The following SUV39H2 variants were observed in gnomAD, a reference collection of about 807,000 sequenced individuals.
The protein encoded by SUV39H2 is SUV39H2 histone lysine methyltransferase, also known as histone-lysine N-methyltransferase SUV39H2.
Under a neutral mutation model 47.5 loss-of-function variants are expected in SUV39H2, and 10 were observed. The ratio of observed to expected loss-of-function variants is 0.21; its 90% CI spans 0.13 to 0.36. The LOEUF (loss-of-function observed/expected upper bound fraction) is 0.36. Among genes scored for constraint, SUV39H2 ranks in the 10% least tolerant of loss-of-function variants. SUV39H2 has a pLI of 1.00. For synonymous variants in SUV39H2, 159 were observed against 166.8 expected, an observed-to-expected ratio of 0.95 and a Z score of 0.36; for missense variants, 266 against 487.4, an observed-to-expected ratio of 0.55 and a Z score of 4.28.
intron 2 of SUV39H2, among the ~76,000 whole-genome samples, chr10:14,889,651 A>G (rs1269714074): frequency 6.6e-6 from 1 of 152,232 alleles, no homozygotes; most frequent in African/African-American, 2.4e-5. Context: ...ATTAGTAACA[A>G]AGGTCATACA....
At chr10:14,889,664 A>G (rs1319426433) in intron 2 of SUV39H2, among the ~76,000 whole-genome samples, 2 of 152,172 alleles carry the variant, frequency 1.3e-5, no homozygotes, top group African/African-American at 2.4e-5. Flanking sequence ...GTCATACATC[A>G]CTGAAAATAA....
chr10:14,878,960 G>A (rs1033248832), intron 1 of SUV39H2, 41 bp downstream of exon 1: 1 of 1,422,300 alleles, frequency 7.0e-7, no homozygotes, highest in Non-Finnish European at 9.2e-7. Flanking sequence ...CCTGTTCCCA[G>A]GCAAGCTCCC....
chr10:14,886,687 G>A (rs1044339197), intron 2 of SUV39H2, among the ~76,000 whole-genome samples: 2 of 152,096 alleles, frequency 1.3e-5, no homozygotes, highest in Non-Finnish European at 2.9e-5. Context: ...AGTTTCTTCT[G>A]TGTGCCAGAC....
chr10:14,895,387 G>T (rs1334474915), intron 2 of SUV39H2, among the ~76,000 whole-genome samples: 1 of 152,060 alleles, frequency 6.6e-6, no homozygotes, highest in African/African-American at 2.4e-5. Context: ...TATTGGCCAG[G>T]CTGGTCTTGA....
chr10:14,883,799 A>C (rs952520109), intron 2 of SUV39H2, among the ~76,000 whole-genome samples: 16 of 151,980 alleles, frequency 1.1e-4, no homozygotes, highest in African/African-American at 3.9e-4. Flanking sequence ...CCAAAAAGAA[A>C]CAGTAAACCC....
intron 2 of SUV39H2, among the ~76,000 whole-genome samples, chr10:14,893,559 C>T (rs1442326064): frequency 1.3e-5 from 2 of 152,080 alleles, no homozygotes; most frequent in African/African-American, 4.8e-5. Context: ...CTTTATTTGG[C>T]ATTTTAGCTT....
At chr10:14,889,462 G>A (rs1833318305) in intron 2 of SUV39H2, among the ~76,000 whole-genome samples, 1 of 152,158 alleles carries the variant, frequency 6.6e-6, no homozygotes, top group Non-Finnish European at 1.5e-5. Flanking sequence ...TTTTAAAAAT[G>A]GAGCCTGTTT....
chr10:14,901,313 C>A, intron 5 of SUV39H2, 51 bp downstream of exon 5: 1 of 1,607,164 alleles, frequency 6.2e-7, no homozygotes, highest in South Asian at 1.1e-5. Context: ...TATGAAGAAT[C>A]AAATCAGACT....
intron 2 of SUV39H2, among the ~76,000 whole-genome samples, chr10:14,892,748 A>C (rs1005959680): frequency 1.6e-4 from 24 of 152,076 alleles, no homozygotes; most frequent in African/African-American, 5.8e-4. Flanking sequence ...AAACGTTCAT[A>C]TACTTATTAT....
At chr10:14,898,272 G>A (rs1244101908) in intron 3 of SUV39H2, 1 of 119,278 alleles carries the variant, frequency 8.4e-6, no homozygotes, top group East Asian at 2.7e-4. Flanking sequence ...GAGAAATTGA[G>A]TACCTTGCCC....
intron 2 of SUV39H2, among the ~76,000 whole-genome samples, chr10:14,891,153 T>A (rs1254616003): frequency 3.3e-5 from 5 of 152,214 alleles, no homozygotes; most frequent in Non-Finnish European, 2.9e-5. Flanking sequence ...GAGGTGATAT[T>A]TACACCGTTT....
intron 1 of SUV39H2, chr10:14,879,883 CTTTTTTT>C (rs1832992305): frequency 7.0e-6 from 1 of 143,184 alleles, no homozygotes; most frequent in Admixed American, 6.9e-5. Flanking sequence ...GATTGTCTTT[CTTTTTTT>C]AACCACGTGT....
chr10:14,899,290 AGCC>A, intron 3 of SUV39H2: 1 of 702,226 alleles, frequency 1.4e-6, no homozygotes. Context: ...ACCGCATTCT[AGCC>A]TGAGTGACAG....
At chr10:14,891,323 G>A (rs1358345821) in intron 2 of SUV39H2, among the ~76,000 whole-genome samples, 1 of 152,218 alleles carries the variant, frequency 6.6e-6, no homozygotes, top group African/African-American at 2.4e-5. Flanking sequence ...GATGGAGCCA[G>A]AGAGGCATCA....
chr10:14,892,950 G>C (rs1286348562), intron 2 of SUV39H2, among the ~76,000 whole-genome samples: 2 of 149,686 alleles, frequency 1.3e-5, no homozygotes, highest in East Asian at 3.9e-4. Flanking sequence ...CTCCCAAGTA[G>C]CTGGGATTAC....
At position 14,880,692 on chromosome 10, in the gene SUV39H2, A is replaced by G. The variant is rs561503783; in HGVS notation, c.32-808A>G. Among the ~76,000 whole-genome samples, 141 of 152,282 alleles carry G rather than the reference A, an allele frequency of 9.3e-4. 4 individuals carry two copies. In the South Asian group the frequency reaches 0.021, roughly 23 times the overall value. ...CTGCTTACAGAAATTTGAGGGTGAAATCTTCTGGAACGCAATTAGTTTCTG... is the reference window on the plus strand; with the variant it reads ...CTGCTTACAGAAATTTGAGGGTGAAGTCTTCTGGAACGCAATTAGTTTCTG... On this transcript the variant is annotated intron_variant, in intron 1 of 5. Transcript: ENST00000354919.
At chr10:14,901,723 C>T (rs1442017484) in intron 5 of SUV39H2, among the ~76,000 whole-genome samples, 6 of 151,490 alleles carry the variant, frequency 4.0e-5, no homozygotes, top group African/African-American at 9.7e-5. Flanking sequence ...CCCAGCTACT[C>T]GGGAGGCTGA....
At position 14,903,037 on chromosome 10, in the gene SUV39H2, T is replaced by G. The variant is rs1045792925; in HGVS notation, c.*525T>G. 1 of 152,282 alleles carries G rather than the reference T, an allele frequency of 6.6e-6. No homozygotes were observed. The highest frequency in any genetic ancestry group is 2.4e-5 in the African/African-American group (1 of 41,454). The allele number at this position is 152,282 out of a possible 1,614,324, so 9.4% of individuals were successfully genotyped here. On this transcript the variant is annotated 3_prime_UTR_variant, in exon 6 of 6. Transcript: ENST00000354919. Reference sequence around the variant, plus strand: ...GTTTTCTACTTTTCCATTAAAACATTGGCACCTCAATGATAAAGAAATTTA... The same window carrying G: ...GTTTTCTACTTTTCCATTAAAACATGGGCACCTCAATGATAAAGAAATTTA...
At position 14,881,791 on chromosome 10, in the gene SUV39H2, G is replaced by A. The variant is rs111842664; in HGVS notation, c.177+146G>A. The A allele has an allele frequency of 5.7e-3, 4,042 of 711,286 alleles. 15 individuals carry two copies. Among genetic ancestry groups the A allele is most frequent in the Non-Finnish European group, 6.5e-3 (3,150 of 486,090 alleles). The allele number at this position is 711,286 out of a possible 1,614,324, so 44.1% of individuals were successfully genotyped here. On this transcript the variant is annotated intron_variant, in intron 2 of 5. Transcript: ENST00000354919. ...GATAAATTTATATGTCCTATCATCT[G>A]TGTTGCCAAATAGCATTGAGAGGAT...
Sources: allele counts gnomAD v4.1 joint callset (sites outside exome capture counted in the v4.1 genomes callset), GRCh38; gene constraint gnomAD v4.1.1; transcripts MANE v1.5; gene names NCBI Gene and HGNC (gene_info 2026-07-23, HGNC 2026-07-21).